Variants in GOSR1 observed in about 807,000 individuals in gnomAD.
GOSR1 encodes 28 kDa Golgi SNARE protein.
GOSR1 carries 21 observed loss-of-function variants against 35.5 expected under a neutral mutation model. The observed-to-expected ratio is 0.59, with a 90% CI of 0.42 to 0.85. GOSR1 has a LOEUF of 0.85. Among genes scored for constraint, GOSR1 ranks in the 40% least tolerant of loss-of-function variants. The pLI is 0.00. For missense variants in GOSR1, 285 were observed against 309.6 expected (o/e 0.92, Z 0.60); for synonymous variants, 94 against 106.6 (o/e 0.88, Z 0.73).
rs1968167012 is a variant in GOSR1, at chr17:30,525,405, A to C, written c.*3027A>C. On this transcript the variant is annotated 3_prime_UTR_variant, in exon 9 of 9. Coordinates refer to ENST00000451249, the MANE Select transcript of GOSR1 (RefSeq NM_001007025.2). The stretch of plus-strand genomic sequence containing the variant: ...AATTGATTCAGGGTACCCTTAAAAG[A>C]AAAGAAGTTTTCCCATTGTGAACCT... 1 of 152,180 alleles carries C rather than the reference A, an allele frequency of 6.6e-6. No individual in the cohort carries two copies. Among genetic ancestry groups the C allele is most frequent in the South Asian group, 2.1e-4 (1 of 4,830 alleles). The allele number at this position is 152,180 out of a possible 1,614,324, so 9.4% of individuals were successfully genotyped here. A position where few individuals can be genotyped will look rare whatever the true frequency, so the allele number is the denominator to read the frequency against.
rs34673687 is a variant in GOSR1 at position 30,500,881 on chromosome 17, C to CTTT, written c.509+8143_509+8145dup. Among the ~76,000 whole-genome samples, 208 of 139,510 alleles carry CTTT rather than the reference C, an allele frequency of 1.5e-3. 2 individuals carry two copies. The highest frequency in any genetic ancestry group is 5.1e-3 in the African/African-American group (191 of 37,782). 91.5% of individuals were successfully genotyped at this position (139,510 alleles called of 152,430 possible). A position where few individuals can be genotyped will look rare whatever the true frequency, so the allele number is the denominator to read the frequency against. On this transcript the variant is annotated intron_variant, in intron 6 of 8. Coordinates refer to ENST00000451249, the MANE Select transcript of GOSR1 (RefSeq NM_001007025.2). Reference sequence around the variant, plus strand: ...CTTATATGAAAATATACAAAGAACTCTTTTTTTTTTTTTTTTTGAGACGGA... The same window carrying CTTT: ...CTTATATGAAAATATACAAAGAACTCTTTTTTTTTTTTTTTTTTTTGAGACGGA...
intron 6 of GOSR1, among the ~76,000 whole-genome samples, chr17:30,507,476 G>A (rs941499535): frequency 3.3e-5 from 5 of 152,054 alleles, no homozygotes; most frequent in African/African-American, 4.8e-5. Flanking sequence ...TAATCCCAGC[G>A]CTTTGGAAAG....
intron 6 of GOSR1, among the ~76,000 whole-genome samples, chr17:30,494,457 A>T (rs571984201): frequency 5.9e-5 from 9 of 152,156 alleles, no homozygotes; most frequent in Non-Finnish European, 1.3e-4. Context: ...ATACATTCTC[A>T]TAGGGTTTTT....
At chr17:30,505,620 A>G (rs959432206) in intron 6 of GOSR1, among the ~76,000 whole-genome samples, 8 of 152,190 alleles carry the variant, frequency 5.3e-5, no homozygotes, top group African/African-American at 1.7e-4. Context: ...TTTCATTATT[A>G]TCATATCTGT....
chr17:30,518,035 A>G lies in GOSR1; in HGVS notation c.540-1904A>G, dbSNP rs559732489. 1.5e-4 allele frequency among the ~76,000 whole-genome samples: 23 copies of G among 152,238 alleles called. 1 individual carries two copies. The highest frequency in any genetic ancestry group is 3.4e-3 in the Middle Eastern group (1 of 294). ...TGGGCATCACACCAGCTACAAGACTATCGGCTCTCTGCTTGTCATCTTTCT... is the reference window on the plus strand; with the variant it reads ...TGGGCATCACACCAGCTACAAGACTGTCGGCTCTCTGCTTGTCATCTTTCT... On this transcript the variant is annotated intron_variant, in intron 7 of 8. Coordinates refer to ENST00000451249, the MANE Select transcript of GOSR1 (RefSeq NM_001007025.2).
At chr17:30,512,510 T>C (rs1334097323) in intron 7 of GOSR1, among the ~76,000 whole-genome samples, 1 of 152,230 alleles carries the variant, frequency 6.6e-6, no homozygotes, top group Non-Finnish European at 1.5e-5. Context: ...CTTCATGGAT[T>C]CTTTATTCAG....
At chr17:30,504,631 C>T (rs1442315486) in intron 6 of GOSR1, among the ~76,000 whole-genome samples, 1 of 151,996 alleles carries the variant, frequency 6.6e-6, no homozygotes, top group Non-Finnish European at 1.5e-5. Context: ...ATGTCATTTT[C>T]GGAAAGTATA....
rs773148958 is a variant in GOSR1, at chr17:30,492,718, T to C, written c.474T>C (p.Thr158=). Residue 158 remains threonine (T), a synonymous_variant, in exon 6 of 9, where the codon ACT becomes ACC. Coordinates refer to ENST00000451249, the MANE Select transcript of GOSR1 (RefSeq NM_001007025.2). The part of the protein sequence containing the change: ...KSGSGVNNRR[T]ELFLKEHDHL... ...GGTCTGGAGTAAACAACAGAAGAACTGAGCTATTTTTGAAAGAACATGACC... is the reference window on the plus strand; with the variant it reads ...GGTCTGGAGTAAACAACAGAAGAACCGAGCTATTTTTGAAAGAACATGACC... 4 of 1,604,778 alleles carry C rather than the reference T, an allele frequency of 2.5e-6. No individual in the cohort carries two copies. In the East Asian group the frequency reaches 8.9e-5, roughly 36 times the overall value.
intron 6 of GOSR1, among the ~76,000 whole-genome samples, chr17:30,499,402 C>T (rs935816422): frequency 1.4e-5 from 2 of 141,830 alleles, no homozygotes; most frequent in Non-Finnish European, 3.0e-5. Context: ...AGTGCAGTGG[C>T]GCAATCTTGG....
At chr17:30,482,537 A>G (rs1350816992) in intron 2 of GOSR1, among the ~76,000 whole-genome samples, 1 of 152,212 alleles carries the variant, frequency 6.6e-6, no homozygotes, top group African/African-American at 2.4e-5. Flanking sequence ...TTCAAAGATT[A>G]GAAGTGAGTA....
At chr17:30,510,593 A>G in intron 6 of GOSR1, 1 of 196,594 alleles carries the variant, frequency 5.1e-6, no homozygotes. Context: ...GGGTGCATGT[A>G]TTCGCAGCTA....
In GOSR1 at chr17:30,524,673, C is replaced by A. The variant is rs1156967617; in HGVS notation, c.*2295C>A. The A allele has an allele frequency of 1.3e-5, 2 of 152,168 alleles. No homozygotes were observed. The highest frequency in any genetic ancestry group is 4.8e-5 in the African/African-American group (2 of 41,416). The allele number at this position is 152,168 out of a possible 1,614,324, so 9.4% of individuals were successfully genotyped here. On this transcript the variant is annotated 3_prime_UTR_variant, in exon 9 of 9. Coordinates refer to ENST00000451249, the MANE Select transcript of GOSR1 (RefSeq NM_001007025.2). ...GCTCCTCCTCATACCAGCATTGACA[C>A]TGGTAGCTGAGGAAGGGGACTGCTC... is the stretch of plus-strand genomic sequence containing the variant.
At chr17:30,478,030 G>A in intron 1 of GOSR1, 2 of 587,916 alleles carry the variant, frequency 3.4e-6, no homozygotes, top group Non-Finnish European at 4.3e-6. Flanking sequence ...TGAAGGAGGA[G>A]AAAATAACTT....
rs115235523 is a variant in GOSR1 at position 30,505,163 on chromosome 17, G to T, written c.510-5717G>T. Among the ~76,000 whole-genome samples the T allele has an allele frequency of 4.6e-3, 702 of 152,220 alleles. 4 individuals carry two copies. Among genetic ancestry groups the T allele is most frequent in the African/African-American group, 0.016 (678 of 41,508 alleles). On this transcript the variant is annotated intron_variant, in intron 6 of 8. Transcript: ENST00000451249. The stretch of plus-strand genomic sequence containing the variant: ...TTGGAATTGGGTTTTTGTTATTGTC[G>T]TTTGGTACATTGGTCACTTTATAAA...
At chr17:30,490,302 G>A in intron 5 of GOSR1, 85 bp downstream of exon 5, 1 of 651,124 alleles carries the variant, frequency 1.5e-6, no homozygotes, top group South Asian at 1.9e-5. Flanking sequence ...AAATTGAGTG[G>A]CAGAACCGTG....
Position 30,484,758 on chromosome 17 carries a change from A to T in GOSR1, c.330A>T (p.Arg110Ser). The change falls in exon 4 of 9, where the codon AGA (arginine) becomes AGT (serine). Residue 110 changes from arginine to serine, a missense_variant. By Grantham distance (110) the Arg-to-Ser change is moderately radical. Transcript: ENST00000451249. ...AALMHTLQRHRDILQDYTHEF... is the reference protein window; with the variant it reads ...AALMHTLQRHSDILQDYTHEF... Reference sequence around the variant, plus strand: ...TGATGCATACATTACAGCGGCATAGAGACATATTGCAGGTAATATATTGGG... The same window carrying T: ...TGATGCATACATTACAGCGGCATAGTGACATATTGCAGGTAATATATTGGG... 6.4e-7 allele frequency: 1 copy of T among 1,554,414 alleles called. No homozygotes were observed. Among genetic ancestry groups the T allele is most frequent in the Non-Finnish European group, 8.9e-7 (1 of 1,125,928 alleles).
intron 6 of GOSR1, among the ~76,000 whole-genome samples, chr17:30,506,813 G>A (rs1282748410): frequency 1.3e-5 from 2 of 152,196 alleles, no homozygotes; most frequent in Non-Finnish European, 2.9e-5. Flanking sequence ...TGCTGATACA[G>A]CTGGTGACTT....
At chr17:30,501,461 C>A (rs147194045) in intron 6 of GOSR1, among the ~76,000 whole-genome samples, 1 of 151,770 alleles carries the variant, frequency 6.6e-6, no homozygotes, top group Non-Finnish European at 1.5e-5. Flanking sequence ...AATGGTACAG[C>A]GACATTGGAA....
intron 6 of GOSR1, among the ~76,000 whole-genome samples, chr17:30,502,444 C>G (rs946623612): frequency 6.6e-6 from 1 of 152,174 alleles, no homozygotes; most frequent in African/African-American, 2.4e-5. Flanking sequence ...TGTGTACTTT[C>G]TACTGAATAT....
Sources: gnomAD v4.1 joint callset for allele counts (sites outside exome capture counted in the v4.1 genomes callset) on GRCh38, gnomAD v4.1.1 for gene constraint, MANE v1.5 for transcripts, NCBI Gene and HGNC (gene_info 2026-07-23, HGNC 2026-07-21) for gene names.